The following ZNF609 variants were observed in gnomAD, a reference collection of about 807,000 sequenced individuals.
The protein encoded by ZNF609 is zinc finger protein 609.
A neutral mutation model predicts 109.5 loss-of-function variants in ZNF609; 11 were observed. The ratio of observed to expected loss-of-function variants is 0.10; its 90% CI spans 0.06 to 0.17. The LOEUF (loss-of-function observed/expected upper bound fraction) is 0.17. Among genes scored for constraint, ZNF609 ranks in the 10% least tolerant of loss-of-function variants. The probability of loss-of-function intolerance (pLI) is 1.00; values close to 1 mark genes in which losing one functional copy is unlikely to be tolerated. For missense variants in ZNF609, 1,559 were observed against 1,772.4 expected, an observed-to-expected ratio of 0.88 and a Z score of 2.16; for synonymous variants, 646 against 662.0, an observed-to-expected ratio of 0.98 and a Z score of 0.37.
At chr15:64,609,112 C>CTTTCTTTCTTTCTTTCTTTCT (rs1567028276) in intron 2 of ZNF609, among the ~76,000 whole-genome samples, 1 of 34,630 alleles carries the variant, frequency 2.9e-5, no homozygotes, top group African/African-American at 6.0e-5. Context: ...TTCTTTCTTT[C>CTTTCTTTCTTTCTTTCTTTCT]TTTCTTTCTT....
intron 3 of ZNF609, among the ~76,000 whole-genome samples, chr15:64,667,510 A>T (rs1016206706): frequency 1.3e-5 from 2 of 152,072 alleles, no homozygotes; most frequent in Non-Finnish European, 2.9e-5. Flanking sequence ...GGAGTTCGAG[A>T]CCGGCCTGAC....
At chr15:64,554,375 C>T (rs1187241218) in intron 2 of ZNF609, among the ~76,000 whole-genome samples, 1 of 152,174 alleles carries the variant, frequency 6.6e-6, no homozygotes, top group Non-Finnish European at 1.5e-5. Flanking sequence ...AGCACAGTGG[C>T]TCACACCTCT....
intron 3 of ZNF609, among the ~76,000 whole-genome samples, chr15:64,645,355 T>C (rs993416207): frequency 6.6e-6 from 1 of 152,088 alleles, no homozygotes; most frequent in African/African-American, 2.4e-5. Flanking sequence ...CCTCCCAAAA[T>C]GCTGGGATTA....
chr15:64,517,849 G>A (rs1567003122), intron 2 of ZNF609, among the ~76,000 whole-genome samples: 1 of 151,832 alleles, frequency 6.6e-6, no homozygotes, highest in African/African-American at 2.4e-5. Context: ...GCACAATCTT[G>A]GCCCACTATA....
At chr15:64,494,602 G>A (rs1056406895) in intron 1 of ZNF609, among the ~76,000 whole-genome samples, 1 of 151,990 alleles carries the variant, frequency 6.6e-6, no homozygotes, top group African/African-American at 2.4e-5. Flanking sequence ...GTGCAATGGT[G>A]CAATCTCAGC....
chr15:64,474,985 G>T (rs569058532), intron 1 of ZNF609, among the ~76,000 whole-genome samples: 1 of 151,722 alleles, frequency 6.6e-6, no homozygotes, highest in South Asian at 2.1e-4. Flanking sequence ...TAAGATACGG[G>T]CTCTTGCTAT....
chr15:64,638,784 A>G (rs1451327355), intron 3 of ZNF609, among the ~76,000 whole-genome samples: 1 of 152,166 alleles, frequency 6.6e-6, no homozygotes, highest in Non-Finnish European at 1.5e-5. Context: ...GGTCTCAGCT[A>G]CTTGGAAGGC....
intron 2 of ZNF609, among the ~76,000 whole-genome samples, chr15:64,536,904 T>C (rs1292582022): frequency 3.5e-5 from 3 of 84,712 alleles, no homozygotes; most frequent in Admixed American, 1.7e-4. Context: ...AGAGAGACCC[T>C]GTCTCAAAAA....
chr15:64,548,380 A>G (rs962448841), intron 2 of ZNF609, among the ~76,000 whole-genome samples: 1 of 152,226 alleles, frequency 6.6e-6, no homozygotes, highest in Non-Finnish European at 1.5e-5. Context: ...TGCCAAAGAA[A>G]CAACACTACA....
chr15:64,677,334 A>T (rs761096436), intron 5 of ZNF609, among the ~76,000 whole-genome samples: 3 of 152,186 alleles, frequency 2.0e-5, no homozygotes, highest in Non-Finnish European at 4.4e-5. Flanking sequence ...AAGCACAGGG[A>T]TTCATATTAA....
chr15:64,667,191 G>A (rs1367103530), intron 3 of ZNF609, among the ~76,000 whole-genome samples: 2 of 152,084 alleles, frequency 1.3e-5, no homozygotes, highest in Non-Finnish European at 1.5e-5. Flanking sequence ...CTTGTTCAAG[G>A]TTACACTATA....
rs768171454 is a variant in ZNF609, at chr15:64,674,843, C to T, written c.1989C>T (p.Ile663=). 4.3e-6 allele frequency: 7 copies of T among 1,613,664 alleles called. No individual in the cohort carries two copies. The highest frequency in any genetic ancestry group is 5.9e-6 in the Non-Finnish European group (7 of 1,179,902). The change falls in exon 5 of 10, where the codon ATC becomes ATT. Residue 663 remains isoleucine (I), a synonymous_variant. Coordinates refer to ENST00000326648, the MANE Select transcript of ZNF609 (RefSeq NM_015042.2). The part of the protein sequence containing the change: ...LKSARPIAPA[I]PPQQIYTFQT... ...CAGCCCGTCCCATTGCCCCTGCCAT[C>T]CCCCCACAGCAAATCTACACCTTCC...
At chr15:64,641,758 A>C (rs1308271300) in intron 3 of ZNF609, among the ~76,000 whole-genome samples, 1 of 152,140 alleles carries the variant, frequency 6.6e-6, no homozygotes, top group African/African-American at 2.4e-5. Context: ...GCCAGGTGTC[A>C]GTATTTTTTT....
Position 64,680,810 on chromosome 15 carries a change from C to G in ZNF609, c.4110C>G (p.His1370Gln). ...TGATGTCCACACACCACCACCACCA[C>G]CACTTGGGGTACTCATTGCTCCCAG... ...QRLMSTHHHH[H>Q]HLGYSLLPAQ... Residue 1370 changes from histidine (H) to glutamine (Q), a missense_variant, in exon 8 of 10, where the codon CAC becomes CAG. Coordinates refer to ENST00000326648, the MANE Select transcript of ZNF609 (RefSeq NM_015042.2). The G allele has an allele frequency of 6.2e-7, 1 of 1,613,402 alleles. No individual in the cohort carries two copies. The highest frequency in any genetic ancestry group is 8.5e-7 in the Non-Finnish European group (1 of 1,180,004).
chr15:64,559,412 G>A (rs1456064609), intron 2 of ZNF609, among the ~76,000 whole-genome samples: 2 of 152,186 alleles, frequency 1.3e-5, no homozygotes, highest in African/African-American at 4.8e-5. Context: ...AGGAAGATTG[G>A]CTGAGCCCCT....
chr15:64,621,101 C>G (rs1027012740), intron 2 of ZNF609, among the ~76,000 whole-genome samples: 2 of 152,174 alleles, frequency 1.3e-5, no homozygotes, highest in Non-Finnish European at 2.9e-5. Flanking sequence ...CTAAGAATTC[C>G]TCACAAAGGG....
intron 1 of ZNF609, among the ~76,000 whole-genome samples, chr15:64,482,348 G>A (rs1893266397): frequency 1.3e-5 from 2 of 151,824 alleles, no homozygotes; most frequent in South Asian, 4.1e-4. Flanking sequence ...TCCCAGAAAT[G>A]TTAACATTTA....
intron 1 of ZNF609, among the ~76,000 whole-genome samples, chr15:64,488,809 C>T (rs1209059932): frequency 2.6e-5 from 4 of 151,546 alleles, no homozygotes; most frequent in African/African-American, 7.3e-5. Context: ...AAGAACTAGG[C>T]GTGATGTAAT....
chr15:64,524,222 G>A (rs1286104759), intron 2 of ZNF609, among the ~76,000 whole-genome samples: 1 of 152,132 alleles, frequency 6.6e-6, no homozygotes, highest in Non-Finnish European at 1.5e-5. Flanking sequence ...TTAGCCCCGG[G>A]CAGTCTACTT....
Sources: gnomAD v4.1 joint callset for allele counts (sites outside exome capture counted in the v4.1 genomes callset) on GRCh38, gnomAD v4.1.1 for gene constraint, MANE v1.5 for transcripts, NCBI Gene and HGNC (gene_info 2026-07-23, HGNC 2026-07-21) for gene names.